The following ZNF786 variants were observed in gnomAD, a reference collection of about 807,000 sequenced individuals.
ZNF786 encodes zinc finger protein 786.
Under a neutral mutation model 63.1 loss-of-function variants are expected in ZNF786, and 56 were observed. The ratio of observed to expected loss-of-function variants is 0.89; its 90% CI spans 0.72 to 1.11. The LOEUF is 1.11. Ranked by LOEUF, ZNF786 falls within the 50% of genes least tolerant of loss-of-function variation. The pLI is 0.00. For synonymous variants in ZNF786, 485 were observed against 406.9 expected (o/e 1.19, Z -2.31); for missense variants, 1,213 against 1,041.8 (o/e 1.16, Z -2.26).
chr7:149,087,541 G>A (rs1280196315), intron 1 of ZNF786, among the ~76,000 whole-genome samples: 4 of 152,234 alleles, frequency 2.6e-5, no homozygotes, highest in Admixed American at 6.5e-5. Context: ...CAGGATGTTA[G>A]TAGTGGCAAG....
At chr7:149,074,673 AAGATG>A in intron 2 of ZNF786, 135 bp from the exon 3 acceptor site, 1 of 1,091,234 alleles carries the variant, frequency 9.2e-7, no homozygotes, top group Non-Finnish European at 1.3e-6. Flanking sequence ...GGTTTACACA[AAGATG>A]AAAAAACCGC....
At position 149,072,057 on chromosome 7, in the gene ZNF786, G is replaced by A. The variant is rs371873525; in HGVS notation, c.715C>T (p.His239Tyr). ...TTACCGCACACGCCACACCGGAAGT[G>A]CCTCTGTACCCGAGGGCTGCTCCAC... ...MPWSSPRVQR[H>Y]FRCGVCGKSF... The change falls in exon 4 of 4, where the codon CAC becomes TAC. Residue 239 changes from histidine (H) to tyrosine (Y), a missense_variant. Physicochemically the swap from His to Tyr is moderately conservative, Grantham distance 83. Coordinates refer to ENST00000491431, the MANE Select transcript of ZNF786 (RefSeq NM_152411.4). The A allele has an allele frequency of 7.7e-5, 124 of 1,613,148 alleles. No individual in the cohort carries two copies. The highest frequency in any genetic ancestry group is 3.3e-4 in the Middle Eastern group (2 of 6,084).
At chr7:149,083,803 C>T (rs1163505423) in intron 1 of ZNF786, among the ~76,000 whole-genome samples, 1 of 152,176 alleles carries the variant, frequency 6.6e-6, no homozygotes, top group African/African-American at 2.4e-5. Flanking sequence ...TTGTTTTCTA[C>T]TCCTGTGTTA....
rs1000151714 is a variant in ZNF786, at chr7:149,071,725, C to T, written c.1047G>A (p.Glu349=). ...GQKPGSRLPQ[E]GNSHQEGDTE... is the part of the protein sequence containing the mutation. ...TGTCCCCTTCCTGGTGGCTGTTCCC[C>T]TCCTGGGGCAGGCGCGAGCCTGGTT... is the stretch of plus-strand genomic sequence containing the variant. The change falls in exon 4 of 4, where the codon GAG becomes GAA. Residue 349 remains glutamate, a synonymous_variant. Transcript: ENST00000491431. 6 of 1,584,218 alleles carry T rather than the reference C, an allele frequency of 3.8e-6. No individual in the cohort carries two copies. In the African/African-American group the frequency reaches 6.7e-5, roughly 18 times the overall value.
rs1481856681 is a variant in ZNF786 at position 149,087,496 on chromosome 7, G to A, written c.18+3127C>T. ...AATAGTGATAAACATCCTACGATGCGCAGGACAGCCTGCAAAACAGAAAAT... is the reference window on the plus strand; with the variant it reads ...AATAGTGATAAACATCCTACGATGCACAGGACAGCCTGCAAAACAGAAAAT... On this transcript the variant is annotated intron_variant, in intron 1 of 3. Coordinates refer to ENST00000491431, the MANE Select transcript of ZNF786 (RefSeq NM_152411.4). Among the ~76,000 whole-genome samples, 5 of 152,176 alleles carry A rather than the reference G, an allele frequency of 3.3e-5. No homozygotes were observed. The South Asian group carries it at 6.2e-4, about 19-fold the overall frequency.
intron 3 of ZNF786, among the ~76,000 whole-genome samples, chr7:149,074,084 T>G (rs1825497512): frequency 6.6e-6 from 1 of 151,860 alleles, no homozygotes; most frequent in African/African-American, 2.4e-5. Flanking sequence ...TGAGCCACCA[T>G]GCCTGGCCTA....
chr7:149,071,961 C>T lies in ZNF786; in HGVS notation c.811G>A (p.Ala271Thr), dbSNP rs368349289. Residue 271 changes from alanine to threonine, a missense_variant, in exon 4 of 4, where the codon GCT (alanine) becomes ACT (threonine). Physicochemically the swap from Ala to Thr is moderately conservative, Grantham distance 58. Transcript: ENST00000491431. ...TGTCGGAAGCACATTTCACCGTCAGCGTTCCGGAAGGGGCCCCTCCCCGTG... is the reference window on the plus strand; with the variant it reads ...TGTCGGAAGCACATTTCACCGTCAGTGTTCCGGAAGGGGCCCCTCCCCGTG... The part of the protein sequence containing the change: ...AHTGRGPFRN[A>T]DGEMCFRHEL... The T allele has an allele frequency of 3.1e-6, 5 of 1,611,960 alleles. No individual in the cohort carries two copies. Among genetic ancestry groups the T allele is most frequent in the South Asian group, 1.1e-5 (1 of 91,070 alleles).
rs748377470 is a variant in ZNF786, at chr7:149,071,262, C to G, written c.1510G>C (p.Gly504Arg). 6.2e-7 allele frequency: 1 copy of G among 1,612,634 alleles called. No homozygotes were observed. Among genetic ancestry groups the G allele is most frequent in the Middle Eastern group, 1.6e-4 (1 of 6,062 alleles). ...SMLRAHRLRH[G>R]GERPFSCSEC... is the part of the protein sequence containing the mutation. ...CTACAGGAGAACGGCCTCTCCCCAC[C>G]GTGCCGGAGCCGGTGGGCTCTCAGC... The change falls in exon 4 of 4, where the codon GGT becomes CGT. Residue 504 changes from glycine to arginine, a missense_variant. Transcript: ENST00000491431.
Position 149,070,261 on chromosome 7 carries a change from G to T in ZNF786, c.*162C>A. On this transcript the variant is annotated 3_prime_UTR_variant, in exon 4 of 4. Coordinates refer to ENST00000491431, the MANE Select transcript of ZNF786 (RefSeq NM_152411.4). ...ATATAATTGGTGATGCTTCTGAAGA[G>T]AAAATCCTTTGTGGTTCTTCATATT... is the stretch of plus-strand genomic sequence containing the variant. 2 of 859,024 alleles carry T rather than the reference G, an allele frequency of 2.3e-6. No individual in the cohort carries two copies. Among genetic ancestry groups the T allele is most frequent in the Non-Finnish European group, 3.5e-6 (2 of 563,536 alleles). The allele number at this position is 859,024 out of a possible 1,614,324, so 53.2% of individuals were successfully genotyped here.
intron 1 of ZNF786, among the ~76,000 whole-genome samples, chr7:149,083,383 A>G (rs1416157081): frequency 6.6e-6 from 1 of 150,834 alleles, no homozygotes; most frequent in African/African-American, 2.4e-5. Flanking sequence ...CCCCTAGCTA[A>G]TTTTTGTATC....
At position 149,070,604 on chromosome 7, in the gene ZNF786, T is replaced by C. The variant is rs1374037629; in HGVS notation, c.2168A>G (p.Gln723Arg). 6.2e-7 allele frequency: 1 copy of C among 1,614,024 alleles called. No homozygotes were observed. Among genetic ancestry groups the C allele is most frequent in the Non-Finnish European group, 8.5e-7 (1 of 1,179,896 alleles). Residue 723 changes from glutamine (Q) to arginine (R), a missense_variant, in exon 4 of 4, where the codon CAG becomes CGG. Gln to Arg is a conservative substitution (Grantham distance 43). Coordinates refer to ENST00000491431, the MANE Select transcript of ZNF786 (RefSeq NM_152411.4). ...FRERGHMLRH[Q>R]RIHRPERPFA... ...GGGCCTCTCGGGCCTGTGGATGCGC[T>C]GGTGCCTCAGCATGTGTCCCCTTTC...
intron 1 of ZNF786, among the ~76,000 whole-genome samples, chr7:149,088,497 C>T (rs1825772871): frequency 6.6e-6 from 1 of 152,202 alleles, no homozygotes; most frequent in African/African-American, 2.4e-5. Context: ...TTTAGAAATG[C>T]ATATGCTGTA....
rs57987134 is a variant in ZNF786 at position 149,073,747 on chromosome 7, GTATATATATATATA to G, written c.298+625_298+638del. Among the ~76,000 whole-genome samples, 54 of 77,570 alleles carry G rather than the reference GTATATATATATATA, an allele frequency of 7.0e-4. 1 individual carries two copies. The highest frequency in any genetic ancestry group is 1.1e-3 in the South Asian group (2 of 1,752). The allele number at this position is 77,570 out of a possible 152,430, so 50.9% of individuals were successfully genotyped here. On this transcript the variant is annotated intron_variant, in intron 3 of 3. Transcript: ENST00000491431. ...TGCGTGTGTGTGTGTGTGTGTGTGT[GTATATATATATATA>G]TATATATATATATATATATGTATAT...
intron 2 of ZNF786, among the ~76,000 whole-genome samples, chr7:149,077,474 AAC>A (rs1173807612): frequency 6.6e-6 from 1 of 151,742 alleles, no homozygotes; most frequent in Non-Finnish European, 1.5e-5. Flanking sequence ...AAAAATACAA[AAC>A]AATTAGCCAG....
chr7:149,080,598 G>C lies in ZNF786; in HGVS notation c.138C>G (p.Val46=), dbSNP rs1169475711. The change falls in exon 2 of 4, where the codon GTC becomes GTG. Residue 46 remains valine, a synonymous_variant. Coordinates refer to ENST00000491431, the MANE Select transcript of ZNF786 (RefSeq NM_152411.4). ...HVMRSNYETL[V]SLDDGLPKPE... ...AAGGTGAACAGGTCTTACCTAGAGA[G>C]ACGAGAGTCTCATAATTGCTTCTCA... 1.2e-6 allele frequency: 2 copies of C among 1,608,744 alleles called. No individual in the cohort carries two copies. The highest frequency in any genetic ancestry group is 1.3e-5 in the African/African-American group (1 of 74,716).
At chr7:149,073,895 ATTC>A (rs1042935752) in intron 3 of ZNF786, among the ~76,000 whole-genome samples, 51 of 149,952 alleles carry the variant, frequency 3.4e-4, no homozygotes, top group South Asian at 6.3e-4. Context: ...GGTTCAAGCA[ATTC>A]TTCTCCCTCA....
In ZNF786 at chr7:149,071,483, C is replaced by CACTT; in HGVS notation, c.1285_1288dup (p.Cys430Ter). 6.2e-7 allele frequency: 1 copy of CACTT among 1,613,348 alleles called. No individual in the cohort carries two copies. Among genetic ancestry groups the CACTT allele is most frequent in the Non-Finnish European group, 8.5e-7 (1 of 1,179,848 alleles). ...ACACTGCTTGGCGAAGCCCTTGCCA[C>CACTT]ACTTCCTGCAGGAGAACGGTCTCTC... On this transcript the variant is annotated stop_gained and frameshift_variant, in exon 4 of 4. Coordinates refer to ENST00000491431, the MANE Select transcript of ZNF786 (RefSeq NM_152411.4). LOFTEE classifies it high-confidence loss of function.
At chr7:149,072,688 A>G (rs1825453932) in intron 3 of ZNF786, among the ~76,000 whole-genome samples, 1 of 152,170 alleles carries the variant, frequency 6.6e-6, no homozygotes, top group Admixed American at 6.5e-5. Flanking sequence ...TAATATTGAA[A>G]AAAGGAAAAT....
At chr7:149,076,015 A>G (rs1020085622) in intron 2 of ZNF786, among the ~76,000 whole-genome samples, 4 of 152,002 alleles carry the variant, frequency 2.6e-5, no homozygotes, top group Middle Eastern at 3.4e-3. Context: ...GCCCCTGTAT[A>G]TCCCTCTCCA....
Sources: gnomAD v4.1 joint callset for allele counts (sites outside exome capture counted in the v4.1 genomes callset) on GRCh38, gnomAD v4.1.1 for gene constraint, MANE v1.5 for transcripts, NCBI Gene and HGNC (gene_info 2026-07-23, HGNC 2026-07-21) for gene names.